FSHR: variants seen among roughly 807,000 people sequenced by gnomAD.
FSHR encodes the protein follicle stimulating hormone receptor.
Under a neutral mutation model 52.1 loss-of-function variants are expected in FSHR, and 46 were observed. The ratio of observed to expected loss-of-function variants is 0.88; its 90% CI spans 0.70 to 1.13. The LOEUF (loss-of-function observed/expected upper bound fraction) is 1.13, where lower values mean the gene tolerates loss of function less well. Among genes scored for constraint, FSHR ranks in the 50% most tolerant of loss-of-function variants. The pLI is 0.00. For synonymous variants in FSHR, 399 were observed against 309.6 expected (o/e 1.29, Z -3.03); for missense variants, 964 against 834.6 (o/e 1.16, Z -1.91).
chr2:49,077,780 T>C (rs1558427805), intron 1 of FSHR, among the ~76,000 whole-genome samples: 1 of 152,146 alleles, frequency 6.6e-6, no homozygotes, highest in South Asian at 2.1e-4. Flanking sequence ...CCCACAAATC[T>C]CTAGGGCAGG....
chr2:48,999,411 A>G (rs1022280009), intron 4 of FSHR, among the ~76,000 whole-genome samples: 1 of 152,054 alleles, frequency 6.6e-6, no homozygotes, highest in Non-Finnish European at 1.5e-5. Flanking sequence ...TTCTTAATGT[A>G]AAATTTGGGT....
intron 1 of FSHR, among the ~76,000 whole-genome samples, chr2:49,091,767 T>A (rs978868804): frequency 2.0e-5 from 3 of 152,260 alleles, no homozygotes; most frequent in Non-Finnish European, 2.9e-5. Context: ...TTATGTTTTC[T>A]TGATTATTGC....
At chr2:49,049,010 A>G (rs531186066) in intron 2 of FSHR, among the ~76,000 whole-genome samples, 1 of 152,224 alleles carries the variant, frequency 6.6e-6, no homozygotes, top group South Asian at 2.1e-4. Context: ...TAAATAGTTC[A>G]TGCATTGATT....
intron 1 of FSHR, among the ~76,000 whole-genome samples, chr2:49,138,733 C>G (rs946913872): frequency 1.3e-5 from 2 of 152,100 alleles, no homozygotes; most frequent in African/African-American, 4.8e-5. Flanking sequence ...TTTTTCTTTT[C>G]AGATGATAAA....
At chr2:49,002,335 A>G (rs990159489) in intron 4 of FSHR, among the ~76,000 whole-genome samples, 15 of 151,944 alleles carry the variant, frequency 9.9e-5, no homozygotes, top group Admixed American at 2.6e-4. Flanking sequence ...CTTTACAATA[A>G]CCTTTTGTTA....
chr2:49,118,223 CAAGGAGGA>C (rs1055282928), intron 1 of FSHR, among the ~76,000 whole-genome samples: 3 of 151,988 alleles, frequency 2.0e-5, no homozygotes, highest in African/African-American at 7.3e-5. Context: ...GATGTATTCC[CAAGGAGGA>C]AAGGAGGAAA....
chr2:49,018,473 T>A (rs1468856341), intron 3 of FSHR, among the ~76,000 whole-genome samples: 1 of 152,168 alleles, frequency 6.6e-6, no homozygotes, highest in East Asian at 1.9e-4. Flanking sequence ...TTAAGTACAG[T>A]CAGTGCTACA....
intron 1 of FSHR, among the ~76,000 whole-genome samples, chr2:49,083,269 A>T (rs887002694): frequency 3.4e-5 from 5 of 147,814 alleles, no homozygotes; most frequent in African/African-American, 9.9e-5. Context: ...AAGGAGAAAT[A>T]AAATACTTTA....
intron 1 of FSHR, among the ~76,000 whole-genome samples, chr2:49,069,384 T>G (rs1669644328): frequency 6.6e-6 from 1 of 152,164 alleles, no homozygotes. Context: ...TGTTACCATT[T>G]CAGTGAAGCT....
intron 1 of FSHR, among the ~76,000 whole-genome samples, chr2:49,145,693 G>A (rs1020113095): frequency 1.3e-5 from 2 of 152,050 alleles, no homozygotes. Context: ...CATTGTCACT[G>A]CTTGTTTGAG....
rs1345472981 is a variant in FSHR, at chr2:48,962,650, G to A, written c.*83C>T. 15 of 1,351,736 alleles carry A rather than the reference G, an allele frequency of 1.1e-5. No individual in the cohort carries two copies. The highest frequency in any genetic ancestry group is 4.3e-5 in the African/African-American group (3 of 69,696). The allele number at this position is 1,351,736 out of a possible 1,614,324, so 83.7% of individuals were successfully genotyped here. On this transcript the variant is annotated 3_prime_UTR_variant, in exon 10 of 10. Coordinates refer to ENST00000406846, the MANE Select transcript of FSHR (RefSeq NM_000145.4). ...ATTAAATTAGATGAAATGTGTAGAA[G>A]CACTGTCAGCTCTTTGTGACATACC...
rs146898001 is a variant in FSHR at position 49,116,316 on chromosome 2, G to A, written c.152+37950C>T. Among the ~76,000 whole-genome samples, 85 of 152,276 alleles carry A rather than the reference G, an allele frequency of 5.6e-4. 1 individual carries two copies. In the East Asian group the frequency reaches 0.015, roughly 27 times the overall value. On this transcript the variant is annotated intron_variant, in intron 1 of 9. Coordinates refer to ENST00000406846, the MANE Select transcript of FSHR (RefSeq NM_000145.4). ...AAGTTTTCTCCACTGCCATATGGTGGGGATGAGATAACGGCTGACCTAGGA... is the reference window on the plus strand; with the variant it reads ...AAGTTTTCTCCACTGCCATATGGTGAGGATGAGATAACGGCTGACCTAGGA...
At chr2:48,983,841 G>C (rs1675367646) in intron 6 of FSHR, among the ~76,000 whole-genome samples, 1 of 152,102 alleles carries the variant, frequency 6.6e-6, no homozygotes, top group Admixed American at 6.5e-5. Context: ...GGGGGAGGTG[G>C]AGATGGGTGT....
Position 49,017,496 on chromosome 2 carries a change from G to C in FSHR, c.367C>G (p.Gln123Glu), listed in dbSNP as rs138079934. The C allele has an allele frequency of 4.8e-5, 77 of 1,611,702 alleles. No individual in the cohort carries two copies. The highest frequency in any genetic ancestry group is 1.7e-4 in the Middle Eastern group (1 of 6,052). The change falls in exon 4 of 10, where the codon CAA (glutamine) becomes GAA (glutamate). Residue 123 changes from glutamine to glutamate, a missense_variant. By Grantham distance (29) the Gln-to-Glu change is conservative (BLOSUM62 2). Transcript: ENST00000406846. ...PEAFQNLPNL[Q>E]YLLISNTGIK... ...AACTACATGAGTTCTTACAGATATTGAAGGTTGGGAAGGTTCTGGAAGGCC... is the reference window on the plus strand; with the variant it reads ...AACTACATGAGTTCTTACAGATATTCAAGGTTGGGAAGGTTCTGGAAGGCC...
At chr2:49,146,599 A>C (rs1232101182) in intron 1 of FSHR, among the ~76,000 whole-genome samples, 1 of 152,058 alleles carries the variant, frequency 6.6e-6, no homozygotes, top group Non-Finnish European at 1.5e-5. Context: ...TCTAAATCCC[A>C]CAAGTGAGAT....
At chr2:48,965,012 G>A (rs566876545) in intron 9 of FSHR, among the ~76,000 whole-genome samples, 1 of 150,326 alleles carries the variant, frequency 6.7e-6, no homozygotes, top group East Asian at 2.0e-4. Flanking sequence ...AAAAAAAATT[G>A]TACATACACA....
chr2:49,080,196 C>T (rs1670115376), intron 1 of FSHR, among the ~76,000 whole-genome samples: 2 of 152,172 alleles, frequency 1.3e-5, no homozygotes. Context: ...GAAAATCCCA[C>T]AGTATCCATG....
chr2:49,036,292 A>G (rs1482412411), intron 2 of FSHR, among the ~76,000 whole-genome samples: 2 of 152,138 alleles, frequency 1.3e-5, no homozygotes, highest in Non-Finnish European at 2.9e-5. Context: ...TTACCACCAA[A>G]AAAAGGTTAG....
intron 3 of FSHR, among the ~76,000 whole-genome samples, chr2:49,018,246 C>T (rs1054324635): frequency 1.3e-5 from 2 of 152,140 alleles, no homozygotes; most frequent in African/African-American, 2.4e-5. Context: ...GTGACTTCTG[C>T]CCTATTTTGG....
Sources: gnomAD v4.1 joint callset for allele counts (sites outside exome capture counted in the v4.1 genomes callset) on GRCh38, gnomAD v4.1.1 for gene constraint, MANE v1.5 for transcripts, NCBI Gene and HGNC (gene_info 2026-07-23, HGNC 2026-07-21) for gene names.